TMPRSS2: variants seen among roughly 807,000 people sequenced by gnomAD.
TMPRSS2 encodes transmembrane serine protease 2.
TMPRSS2 carries 59 observed loss-of-function variants against 67.4 expected under a neutral mutation model. That is an observed-to-expected ratio of 0.88 (90% confidence interval 0.71 to 1.09). The LOEUF is 1.09. Ranked by LOEUF, TMPRSS2 falls within the 50% of genes least tolerant of loss-of-function variation. TMPRSS2 has a pLI of 0.00. For synonymous variants in TMPRSS2, 257 were observed against 257.0 expected, an observed-to-expected ratio of 1.00 and a Z score of 0.00; for missense variants, 668 against 642.7, an observed-to-expected ratio of 1.04 and a Z score of -0.43.
At chr21:41,470,575 T>C (rs1033909554) in intron 11 of TMPRSS2, 73 bp downstream of exon 11, 11 of 1,421,114 alleles carry the variant, frequency 7.7e-6, no homozygotes, top group Non-Finnish European at 1.1e-5. Context: ...GATTAAAACC[T>C]GGACCTCCCA....
chr21:41,489,397 G>GAACCTC, intron 4 of TMPRSS2, 110 bp downstream of exon 4: 1 of 761,202 alleles, frequency 1.3e-6, no homozygotes, highest in Non-Finnish European at 2.2e-6. Flanking sequence ...TGTAAGAGAG[G>GAACCTC]AACCTCACGG....
chr21:41,503,825 A>G (rs2091439167), intron 1 of TMPRSS2, among the ~76,000 whole-genome samples: 1 of 152,188 alleles, frequency 6.6e-6, no homozygotes, highest in South Asian at 2.1e-4. Flanking sequence ...CTCCTTATAA[A>G]TGCATCATCA....
intron 8 of TMPRSS2, among the ~76,000 whole-genome samples, chr21:41,476,189 G>C (rs138391216): frequency 9.9e-5 from 15 of 152,174 alleles, no homozygotes; most frequent in Non-Finnish European, 1.8e-4. Flanking sequence ...TGGCCACACG[G>C]TGGTGCTGGA....
chr21:41,470,581 T>C (rs2091123993), intron 11 of TMPRSS2, 67 bp downstream of exon 11: 7 of 1,470,354 alleles, frequency 4.8e-6, no homozygotes, highest in Admixed American at 1.8e-5. Context: ...AACCTGGACC[T>C]CCCACTTCCG....
intron 1 of TMPRSS2, among the ~76,000 whole-genome samples, chr21:41,499,614 T>C (rs2091409807): frequency 6.6e-6 from 1 of 150,524 alleles, no homozygotes; most frequent in Non-Finnish European, 1.5e-5. Flanking sequence ...GTTTTCTCTT[T>C]GTGATTTTTC....
rs1601558871 is a variant in TMPRSS2, at chr21:41,467,589, GGGCTGT to G, written c.1467+139_1467+144del. 1.3e-5 allele frequency: 11 copies of G among 850,296 alleles called. No homozygotes were observed. The East Asian group carries it at 2.9e-4, about 22-fold the overall frequency. The allele number at this position is 850,296 out of a possible 1,614,324, so 52.7% of individuals were successfully genotyped here. A position where few individuals can be genotyped will look rare whatever the true frequency, so the allele number is the denominator to read the frequency against. On this transcript the variant is annotated intron_variant, in intron 13 of 13. Coordinates refer to ENST00000332149, the MANE Select transcript of TMPRSS2 (RefSeq NM_005656.4). ...GCAATGGGTGGACACTGGGGGGATG[GGGCTGT>G]GGCTGGAGGAAGCAGAGTTTGCTTC... is the stretch of plus-strand genomic sequence containing the variant.
chr21:41,483,837 T>C (rs2091276225), intron 5 of TMPRSS2, among the ~76,000 whole-genome samples: 1 of 151,002 alleles, frequency 6.6e-6, no homozygotes, highest in African/African-American at 2.4e-5. Context: ...CAAATAAAAA[T>C]TTTACATGTA....
chr21:41,491,290 G>A (rs1601584005), intron 3 of TMPRSS2, among the ~76,000 whole-genome samples: 8 of 151,802 alleles, frequency 5.3e-5, no homozygotes, highest in South Asian at 2.1e-4. Flanking sequence ...TCAAGTAGCT[G>A]GGACCACAGA....
chr21:41,493,681 G>A (rs1455995458), intron 3 of TMPRSS2, among the ~76,000 whole-genome samples: 1 of 152,230 alleles, frequency 6.6e-6, no homozygotes, highest in African/African-American at 2.4e-5. Flanking sequence ...TTAACAGCTG[G>A]GAGGCAGTGC....
chr21:41,499,276 T>C (rs1379794596), intron 1 of TMPRSS2, among the ~76,000 whole-genome samples: 1 of 152,172 alleles, frequency 6.6e-6, no homozygotes, highest in Non-Finnish European at 1.5e-5. Context: ...CAATAATAGC[T>C]AGAGATGCCG....
intron 1 of TMPRSS2, chr21:41,502,462 G>A: frequency 1.0e-6 from 1 of 985,182 alleles, no homozygotes; most frequent in South Asian, 4.7e-5. Flanking sequence ...GTGTGAGAGG[G>A]AACAGACAGC....
intron 7 of TMPRSS2, 60 bp from the exon 8 acceptor site, chr21:41,476,680 T>A: frequency 6.9e-7 from 1 of 1,440,264 alleles, no homozygotes. Context: ...GCCTCTCACA[T>A]GCTTAGAAAT....
At chr21:41,490,146 C>CAAA (rs56730161) in intron 3 of TMPRSS2, among the ~76,000 whole-genome samples, 35 of 95,174 alleles carry the variant, frequency 3.7e-4, no homozygotes, top group South Asian at 7.2e-4. Context: ...AAAACTCTGT[C>CAAA]AAAAAAAAAA....
At chr21:41,471,665 T>C (rs1398585056) in intron 10 of TMPRSS2, 141 bp downstream of exon 10, 2 of 899,716 alleles carry the variant, frequency 2.2e-6, no homozygotes, top group East Asian at 5.2e-5. Flanking sequence ...TCTGTGAGCC[T>C]CTCCCATTGG....
At chr21:41,481,013 C>A (rs1272755265) in intron 5 of TMPRSS2, among the ~76,000 whole-genome samples, 1 of 152,176 alleles carries the variant, frequency 6.6e-6, no homozygotes, top group Non-Finnish European at 1.5e-5. Context: ...CAGCACAGTT[C>A]ACTCTTCTCA....
intron 5 of TMPRSS2, among the ~76,000 whole-genome samples, chr21:41,480,939 T>C (rs1230131901): frequency 6.6e-6 from 1 of 152,092 alleles, no homozygotes; most frequent in Non-Finnish European, 1.5e-5. Context: ...CACCTGGCCT[T>C]GTCCCAACTT....
At chr21:41,471,723 T>C in intron 10 of TMPRSS2, 83 bp downstream of exon 10, 1 of 1,463,716 alleles carries the variant, frequency 6.8e-7, no homozygotes, top group Non-Finnish European at 9.2e-7. Flanking sequence ...CTCCCTTCCA[T>C]TTGGCATAGC....
rs115266855 is a variant in TMPRSS2, at chr21:41,500,632, A to G, written c.-56-2443T>C. Among the ~76,000 whole-genome samples the G allele has an allele frequency of 6.9e-3, 1,047 of 152,370 alleles. 14 individuals are homozygous for G. Among genetic ancestry groups the G allele is most frequent in the African/African-American group, 0.024 (996 of 41,586 alleles). ...ATTTATTTACTCTTCAATTACAGAT[A>G]AAAATACAAGAACCAGGTCATGTTG... On this transcript the variant is annotated intron_variant, in intron 1 of 13. Coordinates refer to ENST00000332149, the MANE Select transcript of TMPRSS2 (RefSeq NM_005656.4).
At chr21:41,467,388 CAAA>C (rs1216161241) in intron 13 of TMPRSS2, among the ~76,000 whole-genome samples, 6 of 113,830 alleles carry the variant, frequency 5.3e-5, no homozygotes, top group Admixed American at 9.5e-5. Flanking sequence ...GACTCCATCT[CAAA>C]AAAAAAAAAA....
Sources: allele counts gnomAD v4.1 joint callset (sites outside exome capture counted in the v4.1 genomes callset), GRCh38; gene constraint gnomAD v4.1.1; transcripts MANE v1.5; gene names NCBI Gene and HGNC (gene_info 2026-07-23, HGNC 2026-07-21).